KIAA1671: variants seen among roughly 807,000 people sequenced by gnomAD.
KIAA1671 encodes uncharacterized protein KIAA1671.
In KIAA1671, 52 loss-of-function variants were observed where a neutral mutation model predicts 131.2. That is an observed-to-expected ratio of 0.40 (90% confidence interval 0.32 to 0.50). The LOEUF is 0.50. KIAA1671 is among the 20% of genes least tolerant of loss of function. The pLI, the probability that KIAA1671 is intolerant of heterozygous loss-of-function variation, is 0.73. For missense variants in KIAA1671, 2,360 were observed against 2,364.2 expected, an observed-to-expected ratio of 1.00 and a Z score of 0.04; for synonymous variants, 1,003 against 961.6, an observed-to-expected ratio of 1.04 and a Z score of -0.80.
rs3948757 is a variant in KIAA1671, at chr22:25,193,603, G to A, written c.*1202G>A. The A allele has an allele frequency of 0.33, 49,732 of 152,186 alleles. 8,523 individuals are homozygous for A. Among genetic ancestry groups the A allele is most frequent in the East Asian group, 0.47 (2,453 of 5,180 alleles). The allele number at this position is 152,186 out of a possible 1,614,324, so 9.4% of individuals were successfully genotyped here. On this transcript the variant is annotated 3_prime_UTR_variant, in exon 13 of 13. Transcript: ENST00000358431. ...CTCTCAGGAGTTCATTTGTCTCTCT[G>A]TCTCAGCTTCCTCCCTCATCTTCCT...
At chr22:25,070,461 CT>C in intron 6 of KIAA1671, 2 of 431,358 alleles carry the variant, frequency 4.6e-6, no homozygotes, top group Non-Finnish European at 4.3e-6. Flanking sequence ...GGGTCACGTC[CT>C]TTCCCTCTCC....
intron 6 of KIAA1671, among the ~76,000 whole-genome samples, chr22:25,093,887 C>CCTTCTG (rs1286154329): frequency 3.9e-4 from 11 of 28,314 alleles, no homozygotes; most frequent in South Asian, 3.5e-3. Flanking sequence ...TCTCTCTCTC[C>CCTTCTG]CTTCTGCTTC....
chr22:25,044,601 G>A (rs1927122216), intron 5 of KIAA1671, among the ~76,000 whole-genome samples: 1 of 150,620 alleles, frequency 6.6e-6, no homozygotes, highest in Non-Finnish European at 1.5e-5. Context: ...TTTCTCTCTT[G>A]TCTCCTGCCA....
chr22:25,098,738 C>T (rs1568954417), intron 6 of KIAA1671, among the ~76,000 whole-genome samples: 1 of 152,050 alleles, frequency 6.6e-6, no homozygotes, highest in Non-Finnish European at 1.5e-5. Context: ...TGCATTGTAC[C>T]CAAAAGATGG....
chr22:25,181,166 A>G (rs549626591), intron 9 of KIAA1671, among the ~76,000 whole-genome samples: 12 of 152,242 alleles, frequency 7.9e-5, no homozygotes, highest in Non-Finnish European at 1.3e-4. Context: ...GAAGAGTGGG[A>G]TAGGCAGCCC....
intron 6 of KIAA1671, among the ~76,000 whole-genome samples, chr22:25,168,079 C>T (rs1041448306): frequency 6.6e-5 from 10 of 152,214 alleles, no homozygotes; most frequent in African/African-American, 1.9e-4. Context: ...AGTGCTGTCT[C>T]GGCTCAGTGT....
At chr22:25,091,823 A>G (rs914556535) in intron 6 of KIAA1671, among the ~76,000 whole-genome samples, 1 of 152,198 alleles carries the variant, frequency 6.6e-6, no homozygotes, top group Non-Finnish European at 1.5e-5. Flanking sequence ...TCAACCAGCA[A>G]GGATTTATTG....
At chr22:25,183,488 C>A (rs1934364339) in intron 10 of KIAA1671, among the ~76,000 whole-genome samples, 1 of 124,800 alleles carries the variant, frequency 8.0e-6, no homozygotes, top group African/African-American at 3.1e-5. Flanking sequence ...CTTTCTCTTT[C>A]TCCTTCCTTC....
chr22:25,181,176 C>T (rs931814288), intron 9 of KIAA1671, among the ~76,000 whole-genome samples: 15 of 152,154 alleles, frequency 9.9e-5, no homozygotes, highest in Non-Finnish European at 2.1e-4. Flanking sequence ...ATAGGCAGCC[C>T]ATCACCCAAA....
chr22:25,039,099 T>C lies in KIAA1671; in HGVS notation c.1969T>C (p.Trp657Arg). Residue 657 changes from tryptophan to arginine, a missense_variant, in exon 5 of 13, where the codon TGG becomes CGG. Trp to Arg is a moderately radical substitution (Grantham distance 101). This residue lies in a region of KIAA1671 where 1,185 missense variants were observed against 1,126.2 expected (regional missense o/e 1.05). Transcript: ENST00000358431. ...EPRPRPEMGS[W>R]LGRDPPDMTK... is the part of the protein sequence containing the mutation. ...CAGGCCGAGGCCTGAGATGGGCTCTTGGCTGGGCAGGGACCCACCAGACAT... is the reference window on the plus strand; with the variant it reads ...CAGGCCGAGGCCTGAGATGGGCTCTCGGCTGGGCAGGGACCCACCAGACAT... 1 of 1,551,624 alleles carries C rather than the reference T, an allele frequency of 6.4e-7. No individual in the cohort carries two copies. Among genetic ancestry groups the C allele is most frequent in the Non-Finnish European group, 8.7e-7 (1 of 1,147,018 alleles).
chr22:24,956,589 G>A (rs923120742), intron 1 of KIAA1671, among the ~76,000 whole-genome samples: 3 of 151,844 alleles, frequency 2.0e-5, no homozygotes, highest in Non-Finnish European at 4.4e-5. Flanking sequence ...CCAGCCAGCC[G>A]GGCGTGGTGG....
At chr22:25,161,167 C>T (rs761049063) in intron 6 of KIAA1671, among the ~76,000 whole-genome samples, 2 of 152,042 alleles carry the variant, frequency 1.3e-5, no homozygotes, top group Non-Finnish European at 2.9e-5. Context: ...TTCCTATTTA[C>T]TGAGCACTTA....
At chr22:25,129,970 G>A (rs1164805581) in intron 6 of KIAA1671, among the ~76,000 whole-genome samples, 1 of 152,108 alleles carries the variant, frequency 6.6e-6, no homozygotes, top group East Asian at 1.9e-4. Context: ...ACAGGGTGCA[G>A]TGGCCCATGC....
intron 2 of KIAA1671, 86 bp from the exon 3 acceptor site, chr22:25,027,859 C>G (rs976880744): frequency 1.5e-6 from 1 of 689,294 alleles, no homozygotes; most frequent in Non-Finnish European, 2.3e-6. Context: ...GCTCAGGACT[C>G]TGTCCCATTT....
intron 1 of KIAA1671, among the ~76,000 whole-genome samples, chr22:25,003,400 A>ATTTTTTTTTTTTTTTTTTTTTT (rs71191013): frequency 8.8e-6 from 1 of 113,844 alleles, no homozygotes; most frequent in African/African-American, 4.2e-5. Flanking sequence ...ACTTGGAGAG[A>ATTTTTTTTTTTTTTTTTTTTTT]TTTTTTTTTT....
chr22:25,150,717 C>T (rs141700435), intron 6 of KIAA1671, among the ~76,000 whole-genome samples: 4 of 152,130 alleles, frequency 2.6e-5, no homozygotes, highest in South Asian at 4.2e-4. Flanking sequence ...GCTCTCATGG[C>T]GGTGGGGAGA....
In KIAA1671 at chr22:25,041,420, G is replaced by T; in HGVS notation, c.4290G>T (p.Glu1430Asp). 1 of 1,551,814 alleles carries T rather than the reference G, an allele frequency of 6.4e-7. No individual in the cohort carries two copies. The highest frequency in any genetic ancestry group is 8.7e-7 in the Non-Finnish European group (1 of 1,147,026). ...EGLSIMHEAR[E>D]RRREQPKGRP... is the part of the protein sequence containing the mutation. ...TGTCCATCATGCATGAAGCCAGAGA[G>T]AGGAGGCGAGAGCAGCCCAAAGGGA... Residue 1430 changes from glutamate to aspartate, a missense_variant, in exon 5 of 13, where the codon GAG becomes GAT. Coordinates refer to ENST00000358431, the MANE Select transcript of KIAA1671 (RefSeq NM_001145206.2).
At chr22:25,078,335 G>A (rs1027703454) in intron 6 of KIAA1671, among the ~76,000 whole-genome samples, 2 of 152,124 alleles carry the variant, frequency 1.3e-5, no homozygotes. Context: ...GACCAGCTTG[G>A]GTAACACAGC....
Position 25,065,644 on chromosome 22 carries a change from A to AT in KIAA1671, c.4530+16282dup, listed in dbSNP as rs1414361233. Among the ~76,000 whole-genome samples, 59 of 150,620 alleles carry AT rather than the reference A, an allele frequency of 3.9e-4. 2 individuals carry two copies. The highest frequency in any genetic ancestry group is 2.9e-3 in the Admixed American group (44 of 15,096). Reference sequence around the variant, plus strand: ...TTTTTAAAGAATTATTATTATTATTATTATTTTTTTTTTTTTGAGACAGTC... The same window carrying AT: ...TTTTTAAAGAATTATTATTATTATTATTTATTTTTTTTTTTTTGAGACAGTC... On this transcript the variant is annotated intron_variant, in intron 6 of 12. Transcript: ENST00000358431.
Sources: gnomAD v4.1 joint callset for allele counts (sites outside exome capture counted in the v4.1 genomes callset) on GRCh38, gnomAD v4.1.1 for gene constraint, gnomAD v4.1.1 regional missense constraint, MANE v1.5 for transcripts, NCBI Gene and HGNC (gene_info 2026-07-23, HGNC 2026-07-21) for gene names.